The following TSHZ1 variants were observed in gnomAD, a reference collection of about 807,000 sequenced individuals.
The protein encoded by TSHZ1 is teashirt homolog 1.
A neutral mutation model predicts 67.1 loss-of-function variants in TSHZ1; 12 were observed. That is an observed-to-expected ratio of 0.18 (90% CI 0.11 to 0.29). The LOEUF is 0.29. TSHZ1 is among the 10% of genes least tolerant of loss of function. The probability of loss-of-function intolerance (pLI) is 1.00; values close to 1 mark genes in which losing one functional copy is unlikely to be tolerated. For synonymous variants in TSHZ1, 632 were observed against 622.4 expected (o/e 1.02, Z -0.23); for missense variants, 1,305 against 1,413.9 (o/e 0.92, Z 1.23).
intron 1 of TSHZ1, among the ~76,000 whole-genome samples, chr18:75,274,164 G>C (rs193241475): frequency 7.9e-4 from 121 of 152,234 alleles, no homozygotes; most frequent in African/African-American, 2.8e-3. Flanking sequence ...GAAGGGTGGG[G>C]GAGTGATGGC....
chr18:75,271,889 T>C (rs111730216), intron 1 of TSHZ1, among the ~76,000 whole-genome samples: 160 of 152,282 alleles, frequency 1.1e-3, no homozygotes, highest in African/African-American at 3.5e-3. Context: ...ATGAATCTGG[T>C]AACAGAGAGA....
chr18:75,211,125 G>C lies in TSHZ1; in HGVS notation c.-752G>C, dbSNP rs968861893. On this transcript the variant is annotated 5_prime_UTR_variant, in exon 1 of 2. Coordinates refer to ENST00000580243, the MANE Select transcript of TSHZ1 (RefSeq NM_001308210.2). ...CGCATTGGAAGAAGCGGCGATCCTG[G>C]CGGCCAAGCCCCCCGGGTGGAAGCG... 1 of 152,042 alleles carries C rather than the reference G, an allele frequency of 6.6e-6. No individual in the cohort carries two copies. The highest frequency in any genetic ancestry group is 2.4e-5 in the African/African-American group (1 of 41,350). 9.4% of individuals were successfully genotyped at this position (152,042 alleles called of 1,614,324 possible). A position where few individuals can be genotyped will look rare whatever the true frequency, so the allele number is the denominator to read the frequency against.
At chr18:75,249,850 C>T (rs975260449) in intron 1 of TSHZ1, among the ~76,000 whole-genome samples, 17 of 134,924 alleles carry the variant, frequency 1.3e-4, no homozygotes, top group African/African-American at 3.4e-4. Context: ...GTAGGCGGGG[C>T]GGGGGTGACT....
chr18:75,240,470 G>C (rs1014611760), intron 1 of TSHZ1, among the ~76,000 whole-genome samples: 6 of 152,092 alleles, frequency 3.9e-5, no homozygotes, highest in African/African-American at 1.4e-4. Flanking sequence ...TACCCAAAGA[G>C]GGTTGGGTTG....
At chr18:75,274,534 A>G (rs2023594405) in intron 1 of TSHZ1, among the ~76,000 whole-genome samples, 1 of 152,230 alleles carries the variant, frequency 6.6e-6, no homozygotes. Flanking sequence ...TTCTACAAAT[A>G]TCATAATATA....
At chr18:75,236,224 T>TAC (rs2023069077) in intron 1 of TSHZ1, among the ~76,000 whole-genome samples, 2 of 152,158 alleles carry the variant, frequency 1.3e-5, no homozygotes, top group African/African-American at 4.8e-5. Flanking sequence ...CAGGGGTGTG[T>TAC]GTCTCAGCTG....
chr18:75,263,654 ATGT>A (rs768206350), intron 1 of TSHZ1, among the ~76,000 whole-genome samples: 2 of 152,116 alleles, frequency 1.3e-5, no homozygotes, highest in Non-Finnish European at 2.9e-5. Flanking sequence ...TTTGTTTGTT[ATGT>A]TGTTTGTATC....
In TSHZ1 at chr18:75,289,300, C is replaced by G. The variant is rs2023830288; in HGVS notation, c.*659C>G. On this transcript the variant is annotated 3_prime_UTR_variant, in exon 2 of 2. Coordinates refer to ENST00000580243, the MANE Select transcript of TSHZ1 (RefSeq NM_001308210.2). ...CAAAAAACAACAACAACAGATACCCCACTCGCCACTATGCCCAAACCCTCT... is the reference window on the plus strand; with the variant it reads ...CAAAAAACAACAACAACAGATACCCGACTCGCCACTATGCCCAAACCCTCT... 6.0e-6 allele frequency: 1 copy of G among 166,750 alleles called. No individual in the cohort carries two copies. Among genetic ancestry groups the G allele is most frequent in the African/African-American group, 2.4e-5 (1 of 41,422 alleles). 10.3% of individuals were successfully genotyped at this position (166,750 alleles called of 1,614,324 possible). A position where few individuals can be genotyped will look rare whatever the true frequency, so the allele number is the denominator to read the frequency against.
intron 1 of TSHZ1, among the ~76,000 whole-genome samples, chr18:75,270,754 T>C (rs564262246): frequency 5.3e-5 from 8 of 152,366 alleles, no homozygotes; most frequent in African/African-American, 1.7e-4. Context: ...CTACTCTGAC[T>C]TGACTTTAAT....
chr18:75,243,646 G>A (rs1002775080), intron 1 of TSHZ1, among the ~76,000 whole-genome samples: 5 of 152,276 alleles, frequency 3.3e-5, no homozygotes, highest in South Asian at 2.1e-4. Flanking sequence ...TCCTTGTGGC[G>A]TTTGTTTGTG....
At chr18:75,275,040 G>A (rs76708536) in intron 1 of TSHZ1, among the ~76,000 whole-genome samples, 4 of 152,294 alleles carry the variant, frequency 2.6e-5, no homozygotes, top group Non-Finnish European at 4.4e-5. Flanking sequence ...TCCTAACCCT[G>A]TGCTGGATGT....
chr18:75,288,217 T>C lies in TSHZ1; in HGVS notation c.2810T>C (p.Met937Thr), dbSNP rs768399634. 1 of 1,614,194 alleles carries C rather than the reference T, an allele frequency of 6.2e-7. No individual in the cohort carries two copies. The highest frequency in any genetic ancestry group is 1.1e-5 in the South Asian group (1 of 91,076). ...VHISKFTGLS[M>T]TTISHWLANV... The stretch of plus-strand genomic sequence containing the variant: ...ATCTCGAAGTTTACTGGGCTCTCCA[T>C]GACCACCATCAGCCACTGGCTGGCC... Residue 937 changes from methionine to threonine, a missense_variant, in exon 2 of 2, where the codon ATG (methionine) becomes ACG (threonine). Met to Thr is a moderately conservative substitution (Grantham distance 81). Around this residue, in one of 3 missense-constraint regions of TSHZ1, gnomAD observed 909 missense variants for 961.8 expected, o/e 0.95. Coordinates refer to ENST00000580243, the MANE Select transcript of TSHZ1 (RefSeq NM_001308210.2). The surrounding 1 kb of genome is among the most constrained non-coding windows in gnomAD (Gnocchi z 4.9).
chr18:75,221,302 C>T (rs1054702842), intron 1 of TSHZ1: 9 of 152,166 alleles, frequency 5.9e-5, no homozygotes, highest in Admixed American at 3.9e-4. Context: ...TAAAAAATAT[C>T]CTCAGTTTTT....
At position 75,281,809 on chromosome 18, in the gene TSHZ1, AG is replaced by A. The variant is rs1361227147; in HGVS notation, c.41-3633del. On this transcript the variant is annotated intron_variant, in intron 1 of 1. Transcript: ENST00000580243. The surrounding 1 kb of genome is among the most constrained non-coding windows in gnomAD (Gnocchi z 5.3). ...AAGTTGCCTCCAGATGGCATCTGGA[AG>A]GGGGGCATGCTAGGTGCGGGCAGGG... Among the ~76,000 whole-genome samples the A allele has an allele frequency of 1.3e-5, 2 of 152,066 alleles. No individual in the cohort carries two copies. The highest frequency in any genetic ancestry group is 2.9e-5 in the Non-Finnish European group (2 of 67,978).
At chr18:75,267,247 G>A (rs964638465) in intron 1 of TSHZ1, among the ~76,000 whole-genome samples, 19 of 152,142 alleles carry the variant, frequency 1.2e-4, no homozygotes, top group African/African-American at 4.6e-4. Flanking sequence ...GTCTTTTTCC[G>A]AGTTGAAGAA....
chr18:75,287,184 C>T lies in TSHZ1; in HGVS notation c.1777C>T (p.Pro593Ser), dbSNP rs148646353. ...YQLPGTVKPL[P>S]AAVQSVQVQP... ...GCTCCCGGGCACCGTGAAGCCACTG[C>T]CGGCGGCCGTGCAGAGCGTGCAGGT... Residue 593 changes from proline (P) to serine (S), a missense_variant, in exon 2 of 2, where the codon CCG becomes TCG. By Grantham distance (74) the Pro-to-Ser change is moderately conservative (BLOSUM62 -1). Coordinates refer to ENST00000580243, the MANE Select transcript of TSHZ1 (RefSeq NM_001308210.2). This position sits in a 1 kb window ranked among gnomAD's most constrained non-coding sequence, Gnocchi z 5.0. 3.1e-6 allele frequency: 5 copies of T among 1,613,588 alleles called. No individual in the cohort carries two copies. Among genetic ancestry groups the T allele is most frequent in the Non-Finnish European group, 4.2e-6 (5 of 1,179,840 alleles).
chr18:75,224,061 T>TAA (rs11347694), intron 1 of TSHZ1, among the ~76,000 whole-genome samples: 4 of 117,902 alleles, frequency 3.4e-5, no homozygotes, highest in Non-Finnish European at 5.3e-5. Context: ...TTTAAACTTG[T>TAA]AAAAAAAAAA....
chr18:75,268,277 T>A (rs1273482902), intron 1 of TSHZ1, among the ~76,000 whole-genome samples: 8 of 152,220 alleles, frequency 5.3e-5, no homozygotes, highest in Non-Finnish European at 1.0e-4. Context: ...ATTGCTGTAT[T>A]TTCATTGACA....
intron 1 of TSHZ1, among the ~76,000 whole-genome samples, chr18:75,278,583 G>A (rs192622756): frequency 3.0e-4 from 46 of 152,238 alleles, no homozygotes; most frequent in Non-Finnish European, 4.4e-5. Context: ...TTGGGGGCCT[G>A]TGGGGGCAGA....
Sources: gnomAD v4.1 joint callset for allele counts (sites outside exome capture counted in the v4.1 genomes callset) on GRCh38, gnomAD v4.1.1 for gene constraint, gnomAD v4.1.1 regional missense constraint, Gnocchi (gnomAD v3.1) non-coding constraint, MANE v1.5 for transcripts, NCBI Gene and HGNC (gene_info 2026-07-23, HGNC 2026-07-21) for gene names.